TBC1D9B: variants seen among roughly 807,000 people sequenced by gnomAD.
The protein encoded by TBC1D9B is TBC1 domain family, member 9B (with GRAM domain).
In TBC1D9B, 87 loss-of-function variants were observed where a neutral mutation model predicts 121.1. That is an observed-to-expected ratio of 0.72 (90% confidence interval 0.60 to 0.86). TBC1D9B has a LOEUF of 0.86. Ranked by LOEUF, TBC1D9B falls within the 40% of genes least tolerant of loss-of-function variation. The probability of loss-of-function intolerance (pLI) is 0.00; values close to 1 mark genes in which losing one functional copy is unlikely to be tolerated. For synonymous variants in TBC1D9B, 668 were observed against 670.1 expected (o/e 1.00, Z 0.05); for missense variants, 1,540 against 1,628.6 (o/e 0.95, Z 0.94).
intron 17 of TBC1D9B, 66 bp from the exon 18 acceptor site, chr5:179,867,915 C>T (rs1418936797): frequency 6.9e-7 from 1 of 1,446,322 alleles, no homozygotes; most frequent in African/African-American, 1.4e-5. Flanking sequence ...GAGTAAGTTC[C>T]CTCCAGCCCT....
Position 179,894,833 on chromosome 5 carries a change from G to GT in TBC1D9B, c.349-220dup, listed in dbSNP as rs933657326. ...TCTAGACAAAGTTCCTGCAACTCCC[G>GT]TAACTACTGTCATCACCAGTTGTGA... On this transcript the variant is annotated intron_variant, in intron 3 of 20. Transcript: ENST00000355235. 3.7e-4 allele frequency among the ~76,000 whole-genome samples: 57 copies of GT among 152,138 alleles called. 1 individual carries two copies. The highest frequency in any genetic ancestry group is 1.9e-4 in the Non-Finnish European group (13 of 68,030).
intron 5 of TBC1D9B, among the ~76,000 whole-genome samples, chr5:179,892,695 T>A (rs1372193213): frequency 6.6e-6 from 1 of 151,626 alleles, no homozygotes; most frequent in Non-Finnish European, 1.5e-5. Flanking sequence ...CCCCTGGGGG[T>A]CCCATGGCTG....
chr5:179,869,850 G>A lies in TBC1D9B; in HGVS notation c.2726-16C>T, dbSNP rs1357805189. The A allele has an allele frequency of 3.3e-6, 5 of 1,537,038 alleles. No individual in the cohort carries two copies. Among genetic ancestry groups the A allele is most frequent in the South Asian group, 1.3e-5 (1 of 77,794 alleles). The stretch of plus-strand genomic sequence containing the variant: ...TACATCCCGCCTGTGGAGAAGGCCA[G>A]GGAGGGCTGGGTCTGGCAACATGGC... On this transcript the variant is annotated splice_polypyrimidine_tract_variant and intron_variant, in intron 16 of 20. Transcript: ENST00000355235.
chr5:179,879,792 A>G lies in TBC1D9B; in HGVS notation c.1255-3T>C, dbSNP rs1031554759. ...CCCTCCTGAGGAGCTGGGGAAGACTAGAAAATAAAACAGGGAAGGGGACGC... is the reference window on the plus strand; with the variant it reads ...CCCTCCTGAGGAGCTGGGGAAGACTGGAAAATAAAACAGGGAAGGGGACGC... On this transcript the variant is annotated splice_polypyrimidine_tract_variant and splice_region_variant and intron_variant, in intron 7 of 20. Transcript: ENST00000355235. 2 of 1,607,034 alleles carry G rather than the reference A, an allele frequency of 1.2e-6. No homozygotes were observed. The highest frequency in any genetic ancestry group is 3.4e-5 in the Admixed American group (2 of 58,798).
chr5:179,869,351 G>A (rs552832490), intron 17 of TBC1D9B: 66 of 363,156 alleles, frequency 1.8e-4, no homozygotes, highest in African/African-American at 1.3e-3. Flanking sequence ...TGAGAGGCCA[G>A]AGAGAAGTGG....
At position 179,865,967 on chromosome 5, in the gene TBC1D9B, T is replaced by C. The variant is rs1759994825; in HGVS notation, c.2864-79A>G. 7 of 1,558,216 alleles carry C rather than the reference T, an allele frequency of 4.5e-6. No individual in the cohort carries two copies. Among genetic ancestry groups the C allele is most frequent in the Non-Finnish European group, 6.2e-6 (7 of 1,130,716 alleles). ...GCAAGCTCCTGGGGTCCTTGAGATG[T>C]AGTCTGTGTTTCTGTACAGCCAGCC... On this transcript the variant is annotated intron_variant, in intron 18 of 20. Coordinates refer to ENST00000355235, the MANE Select transcript of TBC1D9B (RefSeq NM_015043.4). This position sits in a 1 kb window ranked among gnomAD's most constrained non-coding sequence, Gnocchi z 5.1.
rs1318482143 is a variant in TBC1D9B, at chr5:179,885,599, A to T, written c.1254+2504T>A. 6.6e-6 allele frequency among the ~76,000 whole-genome samples: 1 copy of T among 152,102 alleles called. No individual in the cohort carries two copies. Among genetic ancestry groups the T allele is most frequent in the Non-Finnish European group, 1.5e-5 (1 of 68,000 alleles). Reference sequence around the variant, plus strand: ...GCAAGACTCTGTCCCCCCCCCAAAAAAAAAAAGATGGAGGTATTTTACGTT... The same window carrying T: ...GCAAGACTCTGTCCCCCCCCCAAAATAAAAAAGATGGAGGTATTTTACGTT... On this transcript the variant is annotated intron_variant, in intron 7 of 20. Coordinates refer to ENST00000355235, the MANE Select transcript of TBC1D9B (RefSeq NM_015043.4). This position sits in a 1 kb window ranked among gnomAD's most constrained non-coding sequence, Gnocchi z 4.5.
chr5:179,888,023 G>C, intron 7 of TBC1D9B, 80 bp downstream of exon 7: 1 of 1,561,162 alleles, frequency 6.4e-7, no homozygotes, highest in Non-Finnish European at 8.8e-7. Flanking sequence ...CATGGGGTCA[G>C]GCTCCAGCGG....
intron 20 of TBC1D9B, 151 bp from the exon 21 acceptor site, chr5:179,864,279 A>AGGGACTGAT (rs1289056756): frequency 2.6e-6 from 2 of 768,446 alleles, no homozygotes; most frequent in Non-Finnish European, 4.1e-6. Context: ...CCCATCTCAC[A>AGGGACTGAT]GATCAGGACA....
chr5:179,885,222 G>A lies in TBC1D9B; in HGVS notation c.1254+2881C>T, dbSNP rs1760643196. On this transcript the variant is annotated intron_variant, in intron 7 of 20. Transcript: ENST00000355235. This position sits in a 1 kb window ranked among gnomAD's most constrained non-coding sequence, Gnocchi z 4.5. ...GTAAAGTCCTAAAGTAAATTATTGA[G>A]ATTAATTTTAACAATATATTTGACT... Among the ~76,000 whole-genome samples the A allele has an allele frequency of 6.6e-6, 1 of 152,098 alleles. No individual in the cohort carries two copies. Among genetic ancestry groups the A allele is most frequent in the Admixed American group, 6.6e-5 (1 of 15,264 alleles).
Position 179,878,449 on chromosome 5 carries a change from G to A in TBC1D9B, c.1642C>T (p.Leu548=). 6.2e-7 allele frequency: 1 copy of A among 1,612,986 alleles called. No individual in the cohort carries two copies. The highest frequency in any genetic ancestry group is 8.5e-7 in the Non-Finnish European group (1 of 1,179,596). Residue 548 remains leucine (L), a synonymous_variant, in exon 10 of 21, where the codon CTG becomes TTG. Transcript: ENST00000355235. ...TCTCGCTCGATCTCCTCTGTGGCCA[G>A]GCTGTACTTCCCGGTGGACTTCTCC... ...LVEKSTGKYS[L]ATEEIERDLH...
intron 17 of TBC1D9B, chr5:179,869,477 G>T: frequency 1.7e-6 from 1 of 602,854 alleles, no homozygotes; most frequent in Non-Finnish European, 3.1e-6. Context: ...CTCCACTCAT[G>T]GCCCTCCTAG....
At chr5:179,889,111 G>A (rs1446482224) in intron 6 of TBC1D9B, among the ~76,000 whole-genome samples, 1 of 151,804 alleles carries the variant, frequency 6.6e-6, no homozygotes, top group Non-Finnish European at 1.5e-5. Flanking sequence ...CTCACTGCAA[G>A]CTCTGCCTCC....
chr5:179,893,372 C>T lies in TBC1D9B; in HGVS notation c.673G>A (p.Glu225Lys), dbSNP rs925625024. Residue 225 changes from glutamate (E) to lysine (K), a missense_variant, in exon 5 of 21, where the codon GAG becomes AAG. Transcript: ENST00000355235. ...ESIRVDTRDQ[E>K]LFFSMFLNIG... The stretch of plus-strand genomic sequence containing the variant: ...TTGAGGAACATGGAGAAGAAGAGCT[C>T]CTGGTCGCGGGTGTCCACACGGATG... 9 of 1,614,008 alleles carry T rather than the reference C, an allele frequency of 5.6e-6. No homozygotes were observed. Among genetic ancestry groups the T allele is most frequent in the African/African-American group, 1.3e-5 (1 of 74,912 alleles).
At chr5:179,888,351 C>T in intron 6 of TBC1D9B, 39 bp from the exon 7 acceptor site, 3 of 1,599,052 alleles carry the variant, frequency 1.9e-6, no homozygotes, top group Non-Finnish European at 2.6e-6. Context: ...GTCTGCATCT[C>T]AGGCCCTGCA....
In TBC1D9B at chr5:179,878,366, G is replaced by A. The variant is rs149205278; in HGVS notation, c.1725C>T (p.Ala575=). The A allele has an allele frequency of 1.2e-5, 19 of 1,613,894 alleles. No individual in the cohort carries two copies. The highest frequency in any genetic ancestry group is 1.6e-5 in the Non-Finnish European group (19 of 1,180,008). ...PAFQNELGIA[A]LRRVLTAYAF... ...CATAGGCAGTCAGCACCCGCCGGAGGGCAGCAATCCCCAGCTCGTTCTGGA... is the reference window on the plus strand; with the variant it reads ...CATAGGCAGTCAGCACCCGCCGGAGAGCAGCAATCCCCAGCTCGTTCTGGA... The change falls in exon 10 of 21, where the codon GCC becomes GCT. Residue 575 remains alanine (A), a synonymous_variant. Transcript: ENST00000355235.
At chr5:179,894,139 G>A (rs1760950109) in intron 4 of TBC1D9B, among the ~76,000 whole-genome samples, 1 of 152,214 alleles carries the variant, frequency 6.6e-6, no homozygotes, top group Admixed American at 6.5e-5. Context: ...CAGCAGAAGA[G>A]GGCAGGGCAG....
intron 7 of TBC1D9B, among the ~76,000 whole-genome samples, chr5:179,882,556 T>C (rs1760571008): frequency 6.6e-6 from 1 of 152,130 alleles, no homozygotes; most frequent in African/African-American, 2.4e-5. Flanking sequence ...ACAGCTTCTT[T>C]TATTGTATAT....
intron 20 of TBC1D9B, among the ~76,000 whole-genome samples, chr5:179,864,951 G>T (rs78053739): frequency 0.014 from 2,076 of 152,368 alleles, 37 homozygotes; most frequent in Non-Finnish European, 0.019. Flanking sequence ...GCCCTGGGCA[G>T]GGCTGGGAGG....
Sources: allele counts gnomAD v4.1 joint callset (sites outside exome capture counted in the v4.1 genomes callset), GRCh38; gene constraint gnomAD v4.1.1; non-coding constraint Gnocchi (gnomAD v3.1); transcripts MANE v1.5; gene names NCBI Gene and HGNC (gene_info 2026-07-23, HGNC 2026-07-21).